Variants in SF3A3 observed in about 807,000 individuals in gnomAD.
SF3A3 encodes the protein splicing factor 3a subunit 3.
In SF3A3, 9 loss-of-function variants were observed where a neutral mutation model predicts 85.8. The ratio of observed to expected loss-of-function variants is 0.10; its 90% CI spans 0.06 to 0.18. The LOEUF is 0.18. Among genes scored for constraint, SF3A3 ranks in the 10% least tolerant of loss-of-function variants. The pLI is 1.00. For synonymous variants in SF3A3, 195 were observed against 204.4 expected, an observed-to-expected ratio of 0.95 and a Z score of 0.39; for missense variants, 306 against 593.3, an observed-to-expected ratio of 0.52 and a Z score of 5.03.
chr1:37,973,180 A>C (rs953274570), intron 12 of SF3A3, among the ~76,000 whole-genome samples: 2 of 152,150 alleles, frequency 1.3e-5, no homozygotes, highest in Non-Finnish European at 2.9e-5. Flanking sequence ...CTCTGTCTCC[A>C]ACAAAAAAAA....
At chr1:37,964,598 A>C (rs1570455081) in intron 15 of SF3A3, among the ~76,000 whole-genome samples, 1 of 152,124 alleles carries the variant, frequency 6.6e-6, no homozygotes, top group East Asian at 1.9e-4. Flanking sequence ...ACAGAGCAAG[A>C]CTCTGTCTTA....
chr1:37,961,164 G>A (rs1646254967), intron 15 of SF3A3, among the ~76,000 whole-genome samples: 1 of 152,204 alleles, frequency 6.6e-6, no homozygotes, highest in African/African-American at 2.4e-5. Flanking sequence ...ATCACAGAGA[G>A]ACAGTTAAAG....
At chr1:37,963,284 C>T (rs556719402) in intron 15 of SF3A3, among the ~76,000 whole-genome samples, 3 of 152,162 alleles carry the variant, frequency 2.0e-5, no homozygotes, top group South Asian at 4.2e-4. Flanking sequence ...CACTGCACTC[C>T]AGCCTGGGCA....
Position 37,958,063 on chromosome 1 carries a change from T to C in SF3A3, c.*123A>G, listed in dbSNP as rs538703282. 6 of 688,580 alleles carry C rather than the reference T, an allele frequency of 8.7e-6. No homozygotes were observed. Among genetic ancestry groups the C allele is most frequent in the Admixed American group, 2.4e-5 (1 of 42,450 alleles). The allele number at this position is 688,580 out of a possible 1,614,324, so 42.7% of individuals were successfully genotyped here. A position where few individuals can be genotyped will look rare whatever the true frequency, so the allele number is the denominator to read the frequency against. ...GCCAGCATGCCTTGTTTCTACAAGA[T>C]GCATGCTAGACCATGAGACTACATA... On this transcript the variant is annotated 3_prime_UTR_variant, in exon 17 of 17. Transcript: ENST00000373019.
At chr1:37,972,994 A>G (rs1287382818) in intron 12 of SF3A3, among the ~76,000 whole-genome samples, 1 of 152,100 alleles carries the variant, frequency 6.6e-6, no homozygotes. Context: ...CAGCCTGGCT[A>G]ACATGGTGAA....
chr1:37,967,816 C>T (rs1054992764), intron 15 of SF3A3, among the ~76,000 whole-genome samples: 18 of 151,544 alleles, frequency 1.2e-4, no homozygotes, highest in Non-Finnish European at 2.2e-4. Flanking sequence ...GCCAAGACTG[C>T]ACCATTACAC....
At chr1:37,968,255 A>G in intron 14 of SF3A3, 121 bp from the exon 15 acceptor site, 4 of 685,374 alleles carry the variant, frequency 5.8e-6, no homozygotes, top group Non-Finnish European at 1.1e-5. Context: ...TAAAGGTAGC[A>G]TTCCTTTTGT....
intron 12 of SF3A3, among the ~76,000 whole-genome samples, chr1:37,976,494 T>C (rs374193528): frequency 1.6e-3 from 251 of 152,308 alleles, no homozygotes; most frequent in African/African-American, 5.7e-3. Flanking sequence ...AGATGACTTA[T>C]GAAAATGCCT....
chr1:37,979,556 T>C lies in SF3A3; in HGVS notation c.691-23A>G, dbSNP rs557986575. Reference sequence around the variant, plus strand: ...TTTCTGGAAAGAACAATATGGTATTTATTAAGATCCAGGTTTAGGCCAGGT... The same window carrying C: ...TTTCTGGAAAGAACAATATGGTATTCATTAAGATCCAGGTTTAGGCCAGGT... On this transcript the variant is annotated intron_variant, in intron 8 of 16. Coordinates refer to ENST00000373019, the MANE Select transcript of SF3A3 (RefSeq NM_006802.4). The C allele has an allele frequency of 1.9e-6, 3 of 1,595,956 alleles. No homozygotes were observed. In the South Asian group the frequency reaches 3.3e-5, roughly 18 times the overall value.
chr1:37,961,759 C>CAAAAAAAAAAAAAAAAAAAAAAAA lies in SF3A3; in HGVS notation c.1373-1608_1373-1585dup, dbSNP rs10699691. 4.0e-4 allele frequency among the ~76,000 whole-genome samples: 15 copies of CAAAAAAAAAAAAAAAAAAAAAAAA among 37,800 alleles called. 1 individual carries two copies. Among genetic ancestry groups the CAAAAAAAAAAAAAAAAAAAAAAAA allele is most frequent in the African/African-American group, 6.0e-4 (6 of 9,936 alleles). The allele number at this position is 37,800 out of a possible 152,430, so 24.8% of individuals were successfully genotyped here. On this transcript the variant is annotated intron_variant, in intron 15 of 16. Transcript: ENST00000373019. ...AGCCTGGGTGACAAAGCAAGACTGC[C>CAAAAAAAAAAAAAAAAAAAAAAAA]AAAAAAAAAAAAAAAAAAAAAAAAG... is the stretch of plus-strand genomic sequence containing the variant.
rs1646480143 is a variant in SF3A3, at chr1:37,989,537, T to G, written c.144+11A>C. ...GCCAACCCAAAGAGAGGCAGACAGC[T>G]GGGCACTCACATCTTGCATGGCCCG... On this transcript the variant is annotated intron_variant, in intron 2 of 16. Coordinates refer to ENST00000373019, the MANE Select transcript of SF3A3 (RefSeq NM_006802.4). The G allele has an allele frequency of 1.2e-6, 2 of 1,612,930 alleles. No homozygotes were observed. Among genetic ancestry groups the G allele is most frequent in the African/African-American group, 2.7e-5 (2 of 74,814 alleles).
chr1:37,989,609 C>T lies in SF3A3; in HGVS notation c.97-14G>A, dbSNP rs772672530. On this transcript the variant is annotated splice_polypyrimidine_tract_variant and intron_variant, in intron 1 of 16. Coordinates refer to ENST00000373019, the MANE Select transcript of SF3A3 (RefSeq NM_006802.4). Reference sequence around the variant, plus strand: ...CTGGTCCCGGAGCTGAAAAAACAAACGGTGACACAAACGCCGTTAGTTTGC... The same window carrying T: ...CTGGTCCCGGAGCTGAAAAAACAAATGGTGACACAAACGCCGTTAGTTTGC... The T allele has an allele frequency of 2.5e-6, 4 of 1,613,470 alleles. No individual in the cohort carries two copies. In the Admixed American group the frequency reaches 6.7e-5, roughly 27 times the overall value.
intron 15 of SF3A3, among the ~76,000 whole-genome samples, chr1:37,962,453 A>AT (rs1646267843): frequency 6.6e-6 from 1 of 151,608 alleles, no homozygotes; most frequent in Non-Finnish European, 1.5e-5. Context: ...AAAATGCAAA[A>AT]TTAACTGGGC....
chr1:37,984,398 C>T (rs748495509), intron 5 of SF3A3, 138 bp from the exon 6 acceptor site: 20 of 630,600 alleles, frequency 3.2e-5, no homozygotes, highest in Non-Finnish European at 4.0e-5. Flanking sequence ...ACAATATAAC[C>T]TCCAATAAGT....
At chr1:37,986,811 C>CAAAAAAAAAA (rs1186890843) in intron 4 of SF3A3, among the ~76,000 whole-genome samples, 9 of 62,206 alleles carry the variant, frequency 1.4e-4, no homozygotes, top group Middle Eastern at 0.013. Context: ...GACTCCATCT[C>CAAAAAAAAAA]AAAAAAAAAA....
In SF3A3 at chr1:37,989,871, G is replaced by A. The variant is rs770199516; in HGVS notation, c.95C>T (p.Thr32Met). Residue 32 changes from threonine (T) to methionine (M), a missense_variant and splice_region_variant, in exon 1 of 17, where the codon ACG becomes ATG. Coordinates refer to ENST00000373019, the MANE Select transcript of SF3A3 (RefSeq NM_006802.4). The part of the protein sequence containing the change: ...MAKEMLTKKS[T>M]LRDQINSDHR... ...AGCCTCTGCTCAGGCCCCACTCACC[G>A]TGGACTTCTTGGTGAGCATCTCTTT... 1.9e-6 allele frequency: 3 copies of A among 1,608,030 alleles called. No individual in the cohort carries two copies. The South Asian group carries it at 3.3e-5, about 18-fold the overall frequency.
Position 37,968,138 on chromosome 1 carries a change from G to A in SF3A3, c.1282-4C>T. The A allele has an allele frequency of 6.3e-7, 1 of 1,594,240 alleles. No individual in the cohort carries two copies. Among genetic ancestry groups the A allele is most frequent in the Non-Finnish European group, 8.6e-7 (1 of 1,162,100 alleles). ...TGCCATGAGCATGACGCCATTCCTG[G>A]GAGAAGAGAGAAGCAAAAGGATCAT... On this transcript the variant is annotated splice_polypyrimidine_tract_variant and splice_region_variant and intron_variant, in intron 14 of 16. Transcript: ENST00000373019.
intron 16 of SF3A3, among the ~76,000 whole-genome samples, chr1:37,958,749 G>GA (rs1158458463): frequency 2.0e-5 from 3 of 152,096 alleles, no homozygotes; most frequent in Non-Finnish European, 4.4e-5. Flanking sequence ...ATTACAAGTG[G>GA]AAGAGAGTTT....
chr1:37,984,330 G>T, intron 5 of SF3A3, 70 bp from the exon 6 acceptor site: 1 of 874,750 alleles, frequency 1.1e-6, no homozygotes, highest in Non-Finnish European at 1.9e-6. Flanking sequence ...TTTTCAAATG[G>T]ACTGTGTGTT....
Sources: allele counts gnomAD v4.1 joint callset (sites outside exome capture counted in the v4.1 genomes callset), GRCh38; gene constraint gnomAD v4.1.1; transcripts MANE v1.5; gene names NCBI Gene and HGNC (gene_info 2026-07-23, HGNC 2026-07-21).